Variants in SF3B1 observed in about 807,000 individuals in gnomAD.
SF3B1 encodes pre-mRNA processing 10.
In SF3B1, 12 loss-of-function variants were observed where a neutral mutation model predicts 153.8. The ratio of observed to expected loss-of-function variants is 0.08; its 90% CI spans 0.05 to 0.13. The LOEUF (loss-of-function observed/expected upper bound fraction) is 0.13, where lower values mean the gene tolerates loss of function less well. Ranked by LOEUF, SF3B1 falls within the 10% of genes least tolerant of loss-of-function variation. The pLI, the probability that SF3B1 is intolerant of heterozygous loss-of-function variation, is 1.00. For synonymous variants in SF3B1, 498 were observed against 525.2 expected (o/e 0.95, Z 0.71); for missense variants, 513 against 1,606.1 (o/e 0.32, Z 11.63).
intron 1 of SF3B1, among the ~76,000 whole-genome samples, chr2:197,428,748 G>A (rs146034750): frequency 4.6e-5 from 7 of 152,192 alleles, no homozygotes; most frequent in African/African-American, 1.7e-4. Context: ...ACAAAAATTA[G>A]CCAGACATGG....
At chr2:197,399,439 G>A (rs1192316915) in intron 20 of SF3B1, among the ~76,000 whole-genome samples, 1 of 151,992 alleles carries the variant, frequency 6.6e-6, no homozygotes, top group African/African-American at 2.4e-5. Context: ...TTAAATATAA[G>A]AAACCATTTG....
In SF3B1 at chr2:197,434,982, C is replaced by T. The variant is rs749903120; in HGVS notation, c.18G>A (p.Lys6=). ...GGAAAGACCGCTTACCTTCGTGAGT[C>T]TTGGCGATCTTCGCCATTTTGTCCA... is the stretch of plus-strand genomic sequence containing the variant. MAKIA[K]THEDIEAQIR... The change falls in exon 1 of 25, where the codon AAG becomes AAA. Residue 6 remains lysine, a synonymous_variant. Coordinates refer to ENST00000335508, the MANE Select transcript of SF3B1 (RefSeq NM_012433.4). 1.9e-6 allele frequency: 3 copies of T among 1,614,230 alleles called. No individual in the cohort carries two copies. The highest frequency in any genetic ancestry group is 2.5e-6 in the Non-Finnish European group (3 of 1,179,994).
At chr2:197,398,703 GAGAA>G (rs761146744) in intron 20 of SF3B1, 122 bp from the exon 21 acceptor site, 3 of 893,000 alleles carry the variant, frequency 3.4e-6, no homozygotes, top group Non-Finnish European at 1.7e-6. Flanking sequence ...CCTAGGGAAA[GAGAA>G]AGCCCCAGAT....
chr2:197,417,231 C>T (rs1318728787), intron 5 of SF3B1, among the ~76,000 whole-genome samples: 1 of 151,858 alleles, frequency 6.6e-6, no homozygotes, highest in Non-Finnish European at 1.5e-5. Context: ...GGGTTTTCTT[C>T]AAAACTCATA....
intron 2 of SF3B1, 42 bp from the exon 3 acceptor site, chr2:197,421,175 G>C: frequency 7.8e-7 from 1 of 1,286,718 alleles, no homozygotes; most frequent in East Asian, 2.3e-5. Flanking sequence ...CAAAATGTTA[G>C]AACTTAAAAA....
intron 24 of SF3B1, 66 bp from the exon 25 acceptor site, chr2:197,392,527 G>C: frequency 3.3e-6 from 1 of 301,290 alleles, no homozygotes. Context: ...ACAAAATTAA[G>C]AAAACATAAA....
At chr2:197,415,284 AC>A (rs1261913600) in intron 6 of SF3B1, among the ~76,000 whole-genome samples, 1 of 151,658 alleles carries the variant, frequency 6.6e-6, no homozygotes, top group Non-Finnish European at 1.5e-5. Context: ...ACAAAGTCTC[AC>A]TCTGTTGCCC....
intron 20 of SF3B1, among the ~76,000 whole-genome samples, chr2:197,399,847 T>A (rs1379398987): frequency 6.6e-6 from 1 of 152,124 alleles, no homozygotes; most frequent in East Asian, 1.9e-4. Context: ...GTCCTAAACT[T>A]ACCCTTTTTT....
chr2:197,423,797 T>C lies in SF3B1; in HGVS notation c.195+11A>G. 6.2e-7 allele frequency: 1 copy of C among 1,611,812 alleles called. No individual in the cohort carries two copies. The highest frequency in any genetic ancestry group is 8.5e-7 in the Non-Finnish European group (1 of 1,179,218). ...AAAATAACTGCCTCTTGTACATAAT[T>C]TGTAACTTACATCTTCAAGTTCAGT... On this transcript the variant is annotated intron_variant, in intron 2 of 24. Coordinates refer to ENST00000335508, the MANE Select transcript of SF3B1 (RefSeq NM_012433.4).
chr2:197,415,937 C>T (rs1356681077), intron 6 of SF3B1, among the ~76,000 whole-genome samples: 3 of 141,210 alleles, frequency 2.1e-5, no homozygotes, highest in Non-Finnish European at 3.1e-5. Flanking sequence ...ACCCCCCATA[C>T]CCCAGTAGCT....
At chr2:197,410,125 A>G in intron 6 of SF3B1, 118 bp from the exon 7 acceptor site, 1 of 643,224 alleles carries the variant, frequency 1.6e-6, no homozygotes, top group Non-Finnish European at 2.7e-6. Context: ...TAATTAATGA[A>G]AAGTTAGAAG....
At chr2:197,423,424 G>A (rs984038612) in intron 2 of SF3B1, among the ~76,000 whole-genome samples, 4 of 149,362 alleles carry the variant, frequency 2.7e-5, no homozygotes, top group Non-Finnish European at 5.9e-5. Context: ...AAGATACCAA[G>A]AGGAGAAAAA....
chr2:197,433,217 T>C (rs2085469173), intron 1 of SF3B1, among the ~76,000 whole-genome samples: 1 of 152,256 alleles, frequency 6.6e-6, no homozygotes, highest in South Asian at 2.1e-4. Flanking sequence ...GCACAGACAG[T>C]GCTCAAGTAT....
chr2:197,424,934 C>A (rs545073556), intron 1 of SF3B1, among the ~76,000 whole-genome samples: 2 of 151,966 alleles, frequency 1.3e-5, no homozygotes, highest in African/African-American at 2.4e-5. Context: ...CCAAGGCGGG[C>A]GGATCACCTG....
intron 1 of SF3B1, among the ~76,000 whole-genome samples, chr2:197,430,517 C>T (rs1451318282): frequency 1.3e-5 from 2 of 152,196 alleles, no homozygotes; most frequent in Admixed American, 1.3e-4. Flanking sequence ...TGCAGTGGCA[C>T]GATCTCGGCT....
Position 197,400,601 on chromosome 2 carries a change from AT to A in SF3B1, c.2718+113del. 2 of 1,020,916 alleles carry A rather than the reference AT, an allele frequency of 2.0e-6. No homozygotes were observed. Among genetic ancestry groups the A allele is most frequent in the Non-Finnish European group, 2.9e-6 (2 of 701,386 alleles). 63.2% of individuals were successfully genotyped at this position (1,020,916 alleles called of 1,614,324 possible). On this transcript the variant is annotated intron_variant, in intron 18 of 24. Transcript: ENST00000335508. This position sits in a 1 kb window ranked among gnomAD's most constrained non-coding sequence, Gnocchi z 5.0. Reference sequence around the variant, plus strand: ...AATATCGTTTGGTAACCCCCTGAGCATTTTAAAAATTACTTCAAATTCAATT... The same window carrying A: ...AATATCGTTTGGTAACCCCCTGAGCATTTAAAAATTACTTCAAATTCAATT...
At chr2:197,416,629 G>A (rs575520202) in intron 6 of SF3B1, 112 bp downstream of exon 6, 760 of 894,572 alleles carry the variant, frequency 8.5e-4, no homozygotes, top group Non-Finnish European at 1.2e-3. Flanking sequence ...AATGTCTGTT[G>A]TTTAAGGCAC....
At position 197,391,206 on chromosome 2, in the gene SF3B1, TTTCA is replaced by T. The variant is rs1340474060; in HGVS notation, c.*1093_*1096del. 1 of 152,244 alleles carries T rather than the reference TTTCA, an allele frequency of 6.6e-6. No individual in the cohort carries two copies. The highest frequency in any genetic ancestry group is 1.5e-5 in the Non-Finnish European group (1 of 68,048). The allele number at this position is 152,244 out of a possible 1,614,324, so 9.4% of individuals were successfully genotyped here. A position where few individuals can be genotyped will look rare whatever the true frequency, so the allele number is the denominator to read the frequency against. On this transcript the variant is annotated 3_prime_UTR_variant, in exon 25 of 25. Transcript: ENST00000335508. Reference sequence around the variant, plus strand: ...TTGGTTCCTCTACCATTAAATGGCATTTCATTCAGTTTATGCTGAACTCTTAGAT... The same window carrying T: ...TTGGTTCCTCTACCATTAAATGGCATTTCAGTTTATGCTGAACTCTTAGAT...
At chr2:197,399,994 A>C (rs1407614141) in intron 20 of SF3B1, 61 bp downstream of exon 20, 1 of 1,214,454 alleles carries the variant, frequency 8.2e-7, no homozygotes, top group African/African-American at 1.5e-5. Context: ...TACTTACGAA[A>C]AAAAAAAGAA....
Sources: allele counts gnomAD v4.1 joint callset (sites outside exome capture counted in the v4.1 genomes callset), GRCh38; gene constraint gnomAD v4.1.1; non-coding constraint Gnocchi (gnomAD v3.1); transcripts MANE v1.5; gene names NCBI Gene and HGNC (gene_info 2026-07-23, HGNC 2026-07-21).